MKNK1: variants seen among roughly 807,000 people sequenced by gnomAD.
MKNK1 encodes the protein MAP kinase-interacting serine/threonine-protein kinase 1.
Under a neutral mutation model 49.3 loss-of-function variants are expected in MKNK1, and 30 were observed. The observed-to-expected ratio is 0.61, with a 90% confidence interval of 0.46 to 0.83. MKNK1 has a LOEUF of 0.83. Among genes scored for constraint, MKNK1 ranks in the 40% least tolerant of loss-of-function variants. The pLI, the probability that MKNK1 is intolerant of heterozygous loss-of-function variation, is 0.00. For missense variants in MKNK1, 423 were observed against 524.7 expected, an observed-to-expected ratio of 0.81 and a Z score of 1.89; for synonymous variants, 176 against 201.7, an observed-to-expected ratio of 0.87 and a Z score of 1.08.
In MKNK1 at chr1:46,560,252, G is replaced by C. The variant is rs181395905; in HGVS notation, c.995C>G (p.Thr332Arg). ...QGQAPEKGLP[T>R]PQVLQRNSST... ...CATTTACCTCTGGAGGACTTGCGGC[G>C]TGGGGAGTCCCTTTTCTGGAGCTTG... The change falls in exon 12 of 13, where the codon ACG (threonine) becomes AGG (arginine). Residue 332 changes from threonine (T) to arginine (R), a missense_variant. Transcript: ENST00000371945. The C allele has an allele frequency of 6.2e-7, 1 of 1,614,034 alleles. No individual in the cohort carries two copies. Among genetic ancestry groups the C allele is most frequent in the Non-Finnish European group, 8.5e-7 (1 of 1,180,012 alleles).
intron 8 of MKNK1, among the ~76,000 whole-genome samples, chr1:46,567,082 C>T (rs1420405629): frequency 6.6e-6 from 1 of 152,166 alleles, no homozygotes; most frequent in Non-Finnish European, 1.5e-5. Context: ...GCTGGGACTA[C>T]AGGCATGCAA....
chr1:46,594,213 A>G lies in MKNK1; in HGVS notation c.-103T>C. ...GAAGTTGGTGTCTTCCAGCTACACGAAGTGTCTCAATGGCCTTTGTGCGTA... is the reference window on the plus strand; with the variant it reads ...GAAGTTGGTGTCTTCCAGCTACACGGAGTGTCTCAATGGCCTTTGTGCGTA... On this transcript the variant is annotated 5_prime_UTR_variant, in exon 2 of 13. Transcript: ENST00000371945. 9 of 1,296,608 alleles carry G rather than the reference A, an allele frequency of 6.9e-6. No homozygotes were observed. The highest frequency in any genetic ancestry group is 1.0e-5 in the Non-Finnish European group (9 of 891,720). 80.3% of individuals were successfully genotyped at this position (1,296,608 alleles called of 1,614,324 possible).
chr1:46,598,084 C>T (rs77075428), intron 1 of MKNK1, among the ~76,000 whole-genome samples: 87 of 152,236 alleles, frequency 5.7e-4, no homozygotes, highest in African/African-American at 2.1e-3. Context: ...TCAGAAGAAA[C>T]TTTTCCATAT....
intron 12 of MKNK1, among the ~76,000 whole-genome samples, chr1:46,559,985 T>G (rs1429138841): frequency 6.6e-6 from 1 of 152,132 alleles, no homozygotes; most frequent in Non-Finnish European, 1.5e-5. Flanking sequence ...AAAACAGGTT[T>G]TTTTTCCTGC....
In MKNK1 at chr1:46,557,623, T is replaced by G. The variant is rs543287018; in HGVS notation, c.*952A>C. On this transcript the variant is annotated 3_prime_UTR_variant, in exon 13 of 13. Coordinates refer to ENST00000371945, the MANE Select transcript of MKNK1 (RefSeq NM_001135553.4). ...GGCTTCACCCTAGTGTGGCTTCACC[T>G]TAGGCACAGAGCACTATCTAACTGC... 6.6e-6 allele frequency: 1 copy of G among 152,630 alleles called. No individual in the cohort carries two copies. The highest frequency in any genetic ancestry group is 2.4e-5 in the African/African-American group (1 of 41,458). 9.5% of individuals were successfully genotyped at this position (152,630 alleles called of 1,614,324 possible).
rs1371205324 is a variant in MKNK1, at chr1:46,561,559, G to A, written c.888C>T (p.Asp296=). 6.2e-7 allele frequency: 1 copy of A among 1,614,248 alleles called. No homozygotes were observed. Among genetic ancestry groups the A allele is most frequent in the Admixed American group, 1.7e-5 (1 of 60,028 alleles). ...DWAHISSEAK[D]LISKLLVRDA... ...CTCGCACCAGGAGCTTGGAGATGAGGTCTTTGGCTTCACTGGAGATGTGTG... is the reference window on the plus strand; with the variant it reads ...CTCGCACCAGGAGCTTGGAGATGAGATCTTTGGCTTCACTGGAGATGTGTG... The change falls in exon 11 of 13, where the codon GAC becomes GAT. Residue 296 remains aspartate (D), a synonymous_variant. Coordinates refer to ENST00000371945, the MANE Select transcript of MKNK1 (RefSeq NM_001135553.4).
intron 8 of MKNK1, among the ~76,000 whole-genome samples, chr1:46,566,362 T>C (rs769221645): frequency 1.3e-5 from 2 of 152,266 alleles, no homozygotes; most frequent in Non-Finnish European, 2.9e-5. Flanking sequence ...TAGTATTCCA[T>C]TGAATGTATG....
rs901801373 is a variant in MKNK1 at position 46,588,910 on chromosome 1, A to G, written c.-3+5203T>C. 3.3e-5 allele frequency among the ~76,000 whole-genome samples: 5 copies of G among 152,314 alleles called. No homozygotes were observed. In the East Asian group the frequency reaches 9.6e-4, roughly 29 times the overall value. On this transcript the variant is annotated intron_variant, in intron 2 of 12. Transcript: ENST00000371945. ...AGCCTGAGAGCTATGGCTCTCCTCC[A>G]CTGCACGAACTGCAGCAAGCTGCTT... is the stretch of plus-strand genomic sequence containing the variant.
intron 5 of MKNK1, 43 bp downstream of exon 5, chr1:46,576,532 A>AAGCGTCCCCCCAGAGAAGC: frequency 6.5e-7 from 1 of 1,535,676 alleles, no homozygotes; most frequent in East Asian, 2.2e-5. Flanking sequence ...TTCTGTGGCC[A>AAGCGTCCCCCCAGAGAAGC]AGCGTCCCCC....
chr1:46,594,198 T>A lies in MKNK1; in HGVS notation c.-88A>T. The A allele has an allele frequency of 1.4e-6, 2 of 1,464,974 alleles. No individual in the cohort carries two copies. Among genetic ancestry groups the A allele is most frequent in the Non-Finnish European group, 1.9e-6 (2 of 1,044,698 alleles). The allele number at this position is 1,464,974 out of a possible 1,614,324, so 90.7% of individuals were successfully genotyped here. Reference sequence around the variant, plus strand: ...TAAAGCTCCTGTCAGGAAGTTGGTGTCTTCCAGCTACACGAAGTGTCTCAA... The same window carrying A: ...TAAAGCTCCTGTCAGGAAGTTGGTGACTTCCAGCTACACGAAGTGTCTCAA... On this transcript the variant is annotated 5_prime_UTR_variant, in exon 2 of 13. Coordinates refer to ENST00000371945, the MANE Select transcript of MKNK1 (RefSeq NM_001135553.4).
chr1:46,564,044 C>CAAAAAAAAA (rs1217205121), intron 9 of MKNK1, among the ~76,000 whole-genome samples: 7 of 39,086 alleles, frequency 1.8e-4, no homozygotes, highest in Admixed American at 5.6e-4. Context: ...GACTCTGTCT[C>CAAAAAAAAA]AAAAAAAAAA....
At chr1:46,560,160 T>G (rs1667679500) in intron 12 of MKNK1, 74 bp downstream of exon 12, 3 of 1,547,680 alleles carry the variant, frequency 1.9e-6, no homozygotes, top group Admixed American at 1.7e-5. Flanking sequence ...AGAGATGGGC[T>G]CCCCCGGCCC....
intron 4 of MKNK1, among the ~76,000 whole-genome samples, chr1:46,577,416 G>T (rs1288740089): frequency 6.6e-6 from 1 of 152,150 alleles, no homozygotes; most frequent in Non-Finnish European, 1.5e-5. Context: ...GGGAGGCGGA[G>T]GTTGCAGTGA....
At chr1:46,568,217 T>C in intron 8 of MKNK1, 1 of 517,672 alleles carries the variant, frequency 1.9e-6, no homozygotes, top group Non-Finnish European at 3.5e-6. Flanking sequence ...TCTCATATAT[T>C]TTCCAAACTC....
chr1:46,562,849 G>A lies in MKNK1; in HGVS notation c.610-6C>T. The A allele has an allele frequency of 6.2e-7, 1 of 1,604,006 alleles. No individual in the cohort carries two copies. The highest frequency in any genetic ancestry group is 8.5e-7 in the Non-Finnish European group (1 of 1,175,202). Reference sequence around the variant, plus strand: ...ATGTATTCTGCAGAGCCACACTGTGGGGGCCAGGGTTGGGGGAGGGGGAGA... The same window carrying A: ...ATGTATTCTGCAGAGCCACACTGTGAGGGCCAGGGTTGGGGGAGGGGGAGA... On this transcript the variant is annotated splice_polypyrimidine_tract_variant and splice_region_variant and intron_variant, in intron 9 of 12. Coordinates refer to ENST00000371945, the MANE Select transcript of MKNK1 (RefSeq NM_001135553.4).
rs147526106 is a variant in MKNK1, at chr1:46,558,727, C to T, written c.1087G>A (p.Glu363Lys). ...IALNRQLSQH[E>K]ENELAEEPEA... ...GGCTCCTCTGCTAGTTCGTTCTCTT[C>T]GTGCTGAGATAGCTGGCGGTTAAGG... The change falls in exon 13 of 13, where the codon GAA (glutamate) becomes AAA (lysine). Residue 363 changes from glutamate (E) to lysine (K), a missense_variant. By Grantham distance (56) the Glu-to-Lys change is moderately conservative. Transcript: ENST00000371945. 22 of 1,614,136 alleles carry T rather than the reference C, an allele frequency of 1.4e-5. No individual in the cohort carries two copies. The highest frequency in any genetic ancestry group is 2.7e-5 in the African/African-American group (2 of 74,956).
chr1:46,560,006 AG>A (rs1205814817), intron 12 of MKNK1, among the ~76,000 whole-genome samples: 3 of 152,062 alleles, frequency 2.0e-5, no homozygotes, highest in African/African-American at 7.2e-5. Flanking sequence ...CAACAGTGCT[AG>A]GAGGGGCCTT....
At position 46,564,044 on chromosome 1, in the gene MKNK1, CAAAAA is replaced by C. The variant is rs1217205121; in HGVS notation, c.609+992_609+996del. Among the ~76,000 whole-genome samples, 6 of 39,078 alleles carry C rather than the reference CAAAAA, an allele frequency of 1.5e-4. 1 individual carries two copies. Among genetic ancestry groups the C allele is most frequent in the African/African-American group, 5.4e-4 (5 of 9,198 alleles). 25.6% of individuals were successfully genotyped at this position (39,078 alleles called of 152,430 possible). On this transcript the variant is annotated intron_variant, in intron 9 of 12. Coordinates refer to ENST00000371945, the MANE Select transcript of MKNK1 (RefSeq NM_001135553.4). ...TGGGCAACAGAGCAAGACTCTGTCT[CAAAAA>C]AAAAAAAAAAAAAAAAGGGTTATTA...
intron 5 of MKNK1, 96 bp from the exon 6 acceptor site, chr1:46,575,116 A>C: frequency 2.6e-6 from 2 of 769,870 alleles, no homozygotes; most frequent in Non-Finnish European, 2.1e-6. Context: ...AATATACAAC[A>C]CCTGGTAGTG....
Sources: gnomAD v4.1 joint callset for allele counts (sites outside exome capture counted in the v4.1 genomes callset) on GRCh38, gnomAD v4.1.1 for gene constraint, MANE v1.5 for transcripts, NCBI Gene and HGNC (gene_info 2026-07-23, HGNC 2026-07-21) for gene names.